SPOCK1: variants seen among roughly 807,000 people sequenced by gnomAD.
SPOCK1 encodes the protein testican-1.
Under a neutral mutation model 55.3 loss-of-function variants are expected in SPOCK1, and 23 were observed. The observed-to-expected ratio is 0.42, with a 90% CI of 0.30 to 0.59. SPOCK1 has a LOEUF of 0.59. Ranked by LOEUF, SPOCK1 falls within the 20% of genes least tolerant of loss-of-function variation. The pLI, the probability that SPOCK1 is intolerant of heterozygous loss-of-function variation, is 0.22. For missense variants in SPOCK1, 499 were observed against 552.5 expected (o/e 0.90, Z 0.97); for synonymous variants, 226 against 221.0 (o/e 1.02, Z -0.20).
chr5:137,255,479 T>C (rs1173913996), intron 3 of SPOCK1, among the ~76,000 whole-genome samples: 1 of 152,262 alleles, frequency 6.6e-6, no homozygotes, highest in Non-Finnish European at 1.5e-5. Context: ...TATACTCAAA[T>C]GTTTTCATCT....
At chr5:137,255,582 T>G (rs968546874) in intron 3 of SPOCK1, among the ~76,000 whole-genome samples, 14 of 152,352 alleles carry the variant, frequency 9.2e-5, no homozygotes, top group African/African-American at 3.4e-4. Context: ...TATCGGGTTA[T>G]CATGTATTTG....
chr5:137,369,822 T>C (rs1381758215), intron 2 of SPOCK1, among the ~76,000 whole-genome samples: 2 of 152,174 alleles, frequency 1.3e-5, no homozygotes. Context: ...TCTCTGCTTA[T>C]AAGGACACTA....
intron 2 of SPOCK1, among the ~76,000 whole-genome samples, chr5:137,485,961 T>C (rs1754046421): frequency 6.6e-6 from 1 of 152,176 alleles, no homozygotes; most frequent in South Asian, 2.1e-4. Context: ...AGTGGGACAT[T>C]TATAATGTGC....
intron 2 of SPOCK1, among the ~76,000 whole-genome samples, chr5:137,343,096 C>G (rs186742487): frequency 6.6e-4 from 101 of 152,328 alleles, no homozygotes; most frequent in African/African-American, 2.1e-3. Context: ...GGCCTTCAAT[C>G]AAGTGCAAGT....
intron 3 of SPOCK1, among the ~76,000 whole-genome samples, chr5:137,235,299 A>T (rs184869026): frequency 2.0e-5 from 3 of 152,320 alleles, no homozygotes; most frequent in Admixed American, 2.0e-4. Context: ...ACCTAGAGAG[A>T]CAAGGTAAAA....
chr5:137,076,918 A>G lies in SPOCK1; in HGVS notation c.475-9089T>C, dbSNP rs146707341. 5.8e-3 allele frequency among the ~76,000 whole-genome samples: 884 copies of G among 151,922 alleles called. 11 individuals carry two copies. Among genetic ancestry groups the G allele is most frequent in the Admixed American group, 8.6e-3 (132 of 15,298 alleles). Reference sequence around the variant, plus strand: ...CCTCGGGGACACAAGGTGAGTAAGTAGCAGATTTAAAATTTTTTTTTTTGA... The same window carrying G: ...CCTCGGGGACACAAGGTGAGTAAGTGGCAGATTTAAAATTTTTTTTTTTGA... On this transcript the variant is annotated intron_variant, in intron 5 of 10. Transcript: ENST00000394945.
At chr5:137,302,046 T>C (rs1454984306) in intron 2 of SPOCK1, among the ~76,000 whole-genome samples, 2 of 152,170 alleles carry the variant, frequency 1.3e-5, no homozygotes, top group African/African-American at 4.8e-5. Flanking sequence ...AGGCATCTTA[T>C]AAACAGCCTG....
chr5:137,361,565 T>C (rs1031440005), intron 2 of SPOCK1, among the ~76,000 whole-genome samples: 2 of 152,126 alleles, frequency 1.3e-5, no homozygotes, highest in Non-Finnish European at 2.9e-5. Flanking sequence ...GGAAATAAAA[T>C]TATTTAAACA....
At chr5:137,493,960 G>A (rs1754244920) in intron 2 of SPOCK1, among the ~76,000 whole-genome samples, 1 of 151,866 alleles carries the variant, frequency 6.6e-6, no homozygotes. Context: ...AAATCCCACA[G>A]AGCATGTGCC....
chr5:137,459,037 G>A (rs1229494769), intron 2 of SPOCK1, among the ~76,000 whole-genome samples: 1 of 152,186 alleles, frequency 6.6e-6, no homozygotes, highest in South Asian at 2.1e-4. Flanking sequence ...ATTCCATGTG[G>A]TCAGGTGGTC....
chr5:137,104,198 G>A (rs1232696280), intron 5 of SPOCK1, among the ~76,000 whole-genome samples: 1 of 152,158 alleles, frequency 6.6e-6, no homozygotes, highest in Non-Finnish European at 1.5e-5. Flanking sequence ...CCATTTTCGT[G>A]ATAAGAGTTC....
intron 2 of SPOCK1, among the ~76,000 whole-genome samples, chr5:137,375,689 C>G (rs1751297097): frequency 1.3e-5 from 2 of 152,168 alleles, no homozygotes; most frequent in Admixed American, 6.5e-5. Context: ...TAAGAAAGAG[C>G]AATTGTGTCT....
Position 137,150,428 on chromosome 5 carries a change from C to T in SPOCK1, c.233-9734G>A, listed in dbSNP as rs184805033. Among the ~76,000 whole-genome samples, 436 of 152,268 alleles carry T rather than the reference C, an allele frequency of 2.9e-3. 2 individuals are homozygous for T. The highest frequency in any genetic ancestry group is 9.7e-3 in the African/African-American group (404 of 41,558). ...CAACAGAGCCTTGTACACAAACCTA[C>T]GCTCATGCTCTTTTTGTTTTAGGAG... is the stretch of plus-strand genomic sequence containing the variant. On this transcript the variant is annotated intron_variant, in intron 3 of 10. Coordinates refer to ENST00000394945, the MANE Select transcript of SPOCK1 (RefSeq NM_004598.4).
At chr5:137,259,354 C>G (rs1013833740) in intron 3 of SPOCK1, among the ~76,000 whole-genome samples, 1 of 152,106 alleles carries the variant, frequency 6.6e-6, no homozygotes, top group Non-Finnish European at 1.5e-5. Flanking sequence ...CTGGATGAAG[C>G]TGGAAACCAT....
At chr5:137,180,634 C>G (rs999429137) in intron 3 of SPOCK1, among the ~76,000 whole-genome samples, 2 of 152,104 alleles carry the variant, frequency 1.3e-5, no homozygotes, top group Admixed American at 1.3e-4. Context: ...GTTCACCACC[C>G]CAAGGACATC....
intron 3 of SPOCK1, among the ~76,000 whole-genome samples, chr5:137,147,119 T>C (rs1176189569): frequency 6.6e-6 from 1 of 152,224 alleles, no homozygotes; most frequent in Non-Finnish European, 1.5e-5. Context: ...GAGAGGGTTA[T>C]AAATTGATAA....
At chr5:137,263,445 G>T (rs774151113) in intron 3 of SPOCK1, among the ~76,000 whole-genome samples, 1 of 152,176 alleles carries the variant, frequency 6.6e-6, no homozygotes, top group Non-Finnish European at 1.5e-5. Context: ...AGGCAAAGTG[G>T]CAGAGGCAAC....
intron 2 of SPOCK1, among the ~76,000 whole-genome samples, chr5:137,392,301 T>C (rs772070511): frequency 3.3e-5 from 5 of 152,180 alleles, no homozygotes; most frequent in African/African-American, 4.8e-5. Context: ...GCCCAATGCA[T>C]ATCCAACCTC....
At chr5:137,162,681 T>C (rs1580784657) in intron 3 of SPOCK1, among the ~76,000 whole-genome samples, 2 of 152,270 alleles carry the variant, frequency 1.3e-5, no homozygotes, top group Admixed American at 6.5e-5. Context: ...GTGGCCCAAA[T>C]GTCTGTAGTT....
Sources: allele counts gnomAD v4.1 joint callset (sites outside exome capture counted in the v4.1 genomes callset), GRCh38; gene constraint gnomAD v4.1.1; transcripts MANE v1.5; gene names NCBI Gene and HGNC (gene_info 2026-07-23, HGNC 2026-07-21).